The following PSMD3 variants were observed in gnomAD, a reference collection of about 807,000 sequenced individuals.
PSMD3 encodes 26S proteasome non-ATPase regulatory subunit 3.
Under a neutral mutation model 62.8 loss-of-function variants are expected in PSMD3, and 5 were observed. The ratio of observed to expected loss-of-function variants is 0.08; its 90% CI spans 0.04 to 0.17. The LOEUF (loss-of-function observed/expected upper bound fraction) is 0.17, where lower values mean the gene tolerates loss of function less well. Ranked by LOEUF, PSMD3 falls within the 10% of genes least tolerant of loss-of-function variation. The pLI is 1.00. For synonymous variants in PSMD3, 265 were observed against 283.9 expected (o/e 0.93, Z 0.67); for missense variants, 524 against 713.6 (o/e 0.73, Z 3.03).
At position 39,989,831 on chromosome 17, in the gene PSMD3, A is replaced by G. The variant is rs370998801; in HGVS notation, c.779A>G (p.His260Arg). 183 of 1,614,010 alleles carry G rather than the reference A, an allele frequency of 1.1e-4. No homozygotes were observed. The highest frequency in any genetic ancestry group is 1.5e-4 in the Non-Finnish European group (175 of 1,180,030). The change falls in exon 5 of 12, where the codon CAC (histidine) becomes CGC (arginine). Residue 260 changes from histidine to arginine, a missense_variant. His to Arg is a conservative substitution (Grantham distance 29, BLOSUM62 0). Coordinates refer to ENST00000264639, the MANE Select transcript of PSMD3 (RefSeq NM_002809.4). ...AACCTCCTGCTGCGGAATTACCTAC[A>G]CTACAGCTTGTACGACCAGGCTGAG... is the stretch of plus-strand genomic sequence containing the variant. The part of the protein sequence containing the change: ...LLNLLLRNYL[H>R]YSLYDQAEKL...
At chr17:39,981,214 G>T in intron 1 of PSMD3, 24 bp downstream of exon 1, 1 of 1,548,960 alleles carries the variant, frequency 6.5e-7, no homozygotes, top group East Asian at 2.4e-5. Flanking sequence ...GGCCGGGAAC[G>T]TGCCGCGATC....
Position 39,981,153 on chromosome 17 carries a change from G to C in PSMD3, c.183G>C (p.Glu61Asp), listed in dbSNP as rs1199652718. 1.3e-6 allele frequency: 2 copies of C among 1,550,580 alleles called. No homozygotes were observed. The highest frequency in any genetic ancestry group is 1.7e-6 in the Non-Finnish European group (2 of 1,146,648). The change falls in exon 1 of 12, where the codon GAG becomes GAC. Residue 61 changes from glutamate (E) to aspartate (D), a missense_variant. Coordinates refer to ENST00000264639, the MANE Select transcript of PSMD3 (RefSeq NM_002809.4). ...ADGKTAAAAAEHSQRELDTVT... is the reference protein window; with the variant it reads ...ADGKTAAAAADHSQRELDTVT... ...GCAAGACGGCGGCGGCAGCGGCTGAGCACTCCCAGCGAGAGCTGGACACAG... is the reference window on the plus strand; with the variant it reads ...GCAAGACGGCGGCGGCAGCGGCTGACCACTCCCAGCGAGAGCTGGACACAG...
In PSMD3 at chr17:39,984,346, G is replaced by A. The variant is rs749234850; in HGVS notation, c.273G>A (p.Pro91=). Residue 91 remains proline, a synonymous_variant, in exon 2 of 12, where the codon CCG becomes CCA. Transcript: ENST00000264639. ...QLEKAVSGKE[P]RFVLRALRML... Reference sequence around the variant, plus strand: ...AGAAAGCGGTTTCAGGCAAGGAGCCGAGATTCGTGCTGCGGGCCCTGCGGA... The same window carrying A: ...AGAAAGCGGTTTCAGGCAAGGAGCCAAGATTCGTGCTGCGGGCCCTGCGGA... The A allele has an allele frequency of 2.9e-5, 46 of 1,613,620 alleles. No individual in the cohort carries two copies. Among genetic ancestry groups the A allele is most frequent in the South Asian group, 3.3e-5 (3 of 91,056 alleles).
At chr17:39,993,872 G>A (rs1197820292) in intron 6 of PSMD3, 1 of 152,170 alleles carries the variant, frequency 6.6e-6, no homozygotes, top group Non-Finnish European at 1.5e-5. Context: ...GGACCCAGTT[G>A]CTCAGTGTTT....
Position 39,994,945 on chromosome 17 carries a change from T to G in PSMD3, c.982-9T>G, listed in dbSNP as rs747150267. 2 of 1,613,280 alleles carry G rather than the reference T, an allele frequency of 1.2e-6. No individual in the cohort carries two copies. Among genetic ancestry groups the G allele is most frequent in the African/African-American group, 2.7e-5 (2 of 74,904 alleles). Reference sequence around the variant, plus strand: ...CCTGCCCACTGTGTTCCCCTGTCACTCTGTCCAGGTGCACAAGCTTCTCAT... The same window carrying G: ...CCTGCCCACTGTGTTCCCCTGTCACGCTGTCCAGGTGCACAAGCTTCTCAT... On this transcript the variant is annotated splice_polypyrimidine_tract_variant and intron_variant, in intron 6 of 11. Transcript: ENST00000264639.
In PSMD3 at chr17:39,981,113, C is replaced by CG; in HGVS notation, c.148dup (p.Glu50GlyfsTer12). 6.4e-7 allele frequency: 1 copy of CG among 1,550,560 alleles called. No homozygotes were observed. On this transcript the variant is annotated frameshift_variant, in exon 1 of 12. Transcript: ENST00000264639. LOFTEE classifies it high-confidence loss of function. ...GAGGCAGCGACGGGTGGCGGGTCGA[C>CG]GGGGGAGGCAGACGGCAAGACGGCG... is the stretch of plus-strand genomic sequence containing the variant.
intron 6 of PSMD3, 176 bp from the exon 7 acceptor site, chr17:39,994,778 A>G (rs1268099530): frequency 1.3e-5 from 8 of 614,296 alleles, no homozygotes; most frequent in Non-Finnish European, 2.3e-5. Flanking sequence ...CTCCAAAGGC[A>G]GAGCTTGGAT....
Position 39,980,845 on chromosome 17 carries a change from G to A in PSMD3, c.-126G>A. On this transcript the variant is annotated 5_prime_UTR_variant, in exon 1 of 12. Transcript: ENST00000264639. ...CCGGGAAGGGGTTTGCAGCTGCTCC[G>A]TCATCGTGCGGCCCGACGCTATCTC... is the stretch of plus-strand genomic sequence containing the variant. The A allele has an allele frequency of 1.1e-6, 1 of 879,842 alleles. No homozygotes were observed. The highest frequency in any genetic ancestry group is 1.6e-6 in the Non-Finnish European group (1 of 608,020). 54.5% of individuals were successfully genotyped at this position (879,842 alleles called of 1,614,324 possible).
At chr17:39,986,815 T>C in intron 3 of PSMD3, 103 bp downstream of exon 3, 1 of 1,427,178 alleles carries the variant, frequency 7.0e-7, no homozygotes, top group Non-Finnish European at 9.6e-7. Context: ...CATTGATTCT[T>C]AAGAACTGTC....
intron 3 of PSMD3, 140 bp downstream of exon 3, chr17:39,986,852 T>A: frequency 8.2e-7 from 1 of 1,217,198 alleles, no homozygotes; most frequent in Non-Finnish European, 1.1e-6. Flanking sequence ...CATAGAGGTA[T>A]GCGTTTGATC....
chr17:39,991,862 C>G (rs1429706821), intron 6 of PSMD3, among the ~76,000 whole-genome samples: 1 of 151,832 alleles, frequency 6.6e-6, no homozygotes, highest in Non-Finnish European at 1.5e-5. Context: ...ACCGCCTCTG[C>G]AAAAATTAAA....
At position 39,994,892 on chromosome 17, in the gene PSMD3, T is replaced by G. The variant is rs535308497; in HGVS notation, c.982-62T>G. On this transcript the variant is annotated intron_variant, in intron 6 of 11. Transcript: ENST00000264639. ...CATCTGGCAGAATTTAGGCCACATT[T>G]CATTTTCTTCTTCCGCCCATGGGGC... is the stretch of plus-strand genomic sequence containing the variant. 126 of 1,447,424 alleles carry G rather than the reference T, an allele frequency of 8.7e-5. 1 individual carries two copies. In the African/African-American group the frequency reaches 1.5e-3, roughly 17 times the overall value. The allele number at this position is 1,447,424 out of a possible 1,614,324, so 89.7% of individuals were successfully genotyped here.
intron 4 of PSMD3, 107 bp from the exon 5 acceptor site, chr17:39,989,632 A>G: frequency 8.9e-7 from 1 of 1,129,398 alleles, no homozygotes; most frequent in Non-Finnish European, 1.3e-6. Flanking sequence ...ATAACCAGAA[A>G]AGCAATTTGT....
Position 39,995,127 on chromosome 17 carries a change from A to G in PSMD3, c.1097-49A>G, listed in dbSNP as rs1426660131. The G allele has an allele frequency of 1.2e-6, 2 of 1,613,730 alleles. No individual in the cohort carries two copies. The highest frequency in any genetic ancestry group is 2.7e-5 in the African/African-American group (2 of 74,834). ...GGCCCCCTTCAGTGGGGCCTCTTAC[A>G]TGCCTGTGCCTATTTGCATCATCCA... On this transcript the variant is annotated intron_variant, in intron 7 of 11. Transcript: ENST00000264639. The surrounding 1 kb of genome is among the most constrained non-coding windows in gnomAD (Gnocchi z 4.1).
intron 2 of PSMD3, among the ~76,000 whole-genome samples, chr17:39,985,200 C>T (rs991836792): frequency 6.6e-6 from 1 of 152,112 alleles, no homozygotes; most frequent in Admixed American, 6.5e-5. Context: ...TGCACTCTAG[C>T]CTAGGTGACA....
intron 3 of PSMD3, among the ~76,000 whole-genome samples, chr17:39,987,269 C>T (rs1327171892): frequency 6.6e-6 from 1 of 152,218 alleles, no homozygotes; most frequent in African/African-American, 2.4e-5. Context: ...TAGCCACTGT[C>T]ACAGGAGCAC....
chr17:39,992,476 A>G (rs1312457256), intron 6 of PSMD3, among the ~76,000 whole-genome samples: 2 of 152,154 alleles, frequency 1.3e-5, no homozygotes, highest in Non-Finnish European at 2.9e-5. Context: ...CTGTGTTCCT[A>G]ACAGGCCTTG....
intron 3 of PSMD3, among the ~76,000 whole-genome samples, chr17:39,987,200 C>G (rs1322080992): frequency 6.7e-6 from 1 of 150,030 alleles, no homozygotes; most frequent in Admixed American, 6.8e-5. Flanking sequence ...ACTAATAGCT[C>G]CATTTGCAAA....
chr17:39,997,308 T>C, intron 10 of PSMD3, 22 bp from the exon 11 acceptor site: 1 of 1,613,280 alleles, frequency 6.2e-7, no homozygotes, highest in Middle Eastern at 1.7e-4. Context: ...CTCGCTCATC[T>C]CCTCTCTTTG....
Sources: gnomAD v4.1 joint callset for allele counts (sites outside exome capture counted in the v4.1 genomes callset) on GRCh38, gnomAD v4.1.1 for gene constraint, Gnocchi (gnomAD v3.1) non-coding constraint, MANE v1.5 for transcripts, NCBI Gene and HGNC (gene_info 2026-07-23, HGNC 2026-07-21) for gene names.